Variants in SNX30 observed in about 807,000 individuals in gnomAD.
The protein encoded by SNX30 is sorting nexin-30.
Under a neutral mutation model 46.4 loss-of-function variants are expected in SNX30, and 24 were observed. The ratio of observed to expected loss-of-function variants is 0.52; its 90% confidence interval spans 0.37 to 0.73. The LOEUF (loss-of-function observed/expected upper bound fraction) is 0.73, where lower values mean the gene tolerates loss of function less well. Among genes scored for constraint, SNX30 ranks in the 30% least tolerant of loss-of-function variants. SNX30 has a pLI of 0.00. For missense variants in SNX30, 533 were observed against 555.7 expected (o/e 0.96, Z 0.41); for synonymous variants, 189 against 211.5 (o/e 0.89, Z 0.92).
At chr9:112,880,357 A>G (rs1314767738) in exon 5 of SNX30, 4 of 148,150 alleles carry the variant, frequency 2.7e-5, no homozygotes, top group African/African-American at 9.9e-5. Context: ...AGAATCTCTG[A>G]TACTGGACCT....
chr9:112,880,766 A>G (rs1456592009), intron 5 of SNX30, among the ~76,000 whole-genome samples: 4 of 152,176 alleles, frequency 2.6e-5, no homozygotes, highest in Admixed American at 6.5e-5. Context: ...CCATTAGGCC[A>G]TCTCTTTATC....
intron 2 of SNX30, among the ~76,000 whole-genome samples, chr9:112,817,401 C>CTTTTTTTTATTTTTTTTTTTT (rs1840414791): frequency 2.1e-5 from 1 of 46,832 alleles, no homozygotes; most frequent in Non-Finnish European, 3.4e-5. Flanking sequence ...AAAAAACTGG[C>CTTTTTTTTATTTTTTTTTTTT]TTTTTTTTTT....
intron 1 of SNX30, among the ~76,000 whole-genome samples, chr9:112,803,972 G>A (rs1840179371): frequency 7.5e-6 from 1 of 133,418 alleles, no homozygotes. Context: ...CCCAGGTGAG[G>A]CAATGCCTCG....
At chr9:112,757,366 A>G (rs1839367302) in intron 1 of SNX30, among the ~76,000 whole-genome samples, 1 of 152,200 alleles carries the variant, frequency 6.6e-6, no homozygotes, top group Non-Finnish European at 1.5e-5. Flanking sequence ...TTTTGTGTGT[A>G]CACACACAGT....
At position 112,768,935 on chromosome 9, in the gene SNX30, G is replaced by T. The variant is rs114552822; in HGVS notation, c.156+17778G>T. 8.6e-3 allele frequency among the ~76,000 whole-genome samples: 1,315 copies of T among 152,150 alleles called. 20 individuals are homozygous for T. The highest frequency in any genetic ancestry group is 0.028 in the African/African-American group (1,150 of 41,516). ...CTCCCAAAGTGCTGGGACTACAGGC[G>T]TGAGCCACCATGATAATTCTAACGG... On this transcript the variant is annotated intron_variant, in intron 1 of 8. Transcript: ENST00000374232.
chr9:112,868,690 G>T (rs1257498998), intron 8 of SNX30, 94 bp from the exon 9 acceptor site: 10 of 1,306,996 alleles, frequency 7.7e-6, no homozygotes, highest in South Asian at 2.4e-5. Flanking sequence ...AACCCAGCAG[G>T]ATCGACAACG....
chr9:112,813,847 A>G (rs1053563033), intron 2 of SNX30, among the ~76,000 whole-genome samples: 1 of 152,190 alleles, frequency 6.6e-6, no homozygotes, highest in Non-Finnish European at 1.5e-5. Flanking sequence ...AATATGCCAT[A>G]ATTTCATTAA....
chr9:112,797,034 T>A (rs1840118093), intron 1 of SNX30, among the ~76,000 whole-genome samples: 1 of 152,200 alleles, frequency 6.6e-6, no homozygotes, highest in African/African-American at 2.4e-5. Flanking sequence ...GTCATGTCAC[T>A]TTCTTGCCAT....
At chr9:112,776,051 C>T in intron 1 of SNX30, among the ~76,000 whole-genome samples, 1 of 151,988 alleles carries the variant, frequency 6.6e-6, no homozygotes, top group Non-Finnish European at 1.5e-5. Flanking sequence ...TTAGATTTTT[C>T]TTCTTCTGAA....
At chr9:112,875,236 AAACTTC>A (rs1455367824), downstream of SNX30, 1 of 152,216 alleles carries the variant, frequency 6.6e-6, no homozygotes, top group Non-Finnish European at 1.5e-5. Flanking sequence ...GGAGATGAAG[AAACTTC>A]CTAGTGTAGT....
In SNX30 at chr9:112,750,884, G is replaced by A. The variant is rs1271055288; in HGVS notation, c.-118G>A. 7.2e-6 allele frequency: 7 copies of A among 976,814 alleles called. No homozygotes were observed. The African/African-American group carries it at 8.7e-5, about 12-fold the overall frequency. The allele number at this position is 976,814 out of a possible 1,614,324, so 60.5% of individuals were successfully genotyped here. On this transcript the variant is annotated 5_prime_UTR_variant, in exon 1 of 9. Coordinates refer to ENST00000374232, the MANE Select transcript of SNX30 (RefSeq NM_001012994.2). ...GGTGGCGGCGGCCCCCAGCACGGCC[G>A]GTGCAAGGCCTCGGGTTAAGCGGCG...
chr9:112,768,097 T>C (rs1264384457), intron 1 of SNX30, among the ~76,000 whole-genome samples: 1 of 152,228 alleles, frequency 6.6e-6, no homozygotes, highest in Non-Finnish European at 1.5e-5. Flanking sequence ...GAGATCTGCA[T>C]TGACTCCCCA....
At chr9:112,885,351 CAT>C (rs1436361789), downstream of SNX30, 1 of 151,988 alleles carries the variant, frequency 6.6e-6, no homozygotes, top group East Asian at 1.9e-4. Context: ...GTAGAGTCCT[CAT>C]GTGCTACTAG....
chr9:112,875,517 A>T (rs56677235), downstream of SNX30, among the ~76,000 whole-genome samples: 22,932 of 152,268 alleles, frequency 0.15, 1,946 homozygotes, highest in Non-Finnish European at 0.19. Context: ...TCCACTTACT[A>T]GCTATGTGGC....
rs142151196 is a variant in SNX30 at position 112,850,311 on chromosome 9, T to G, written c.1015-548T>G. On this transcript the variant is annotated intron_variant, in intron 6 of 8. Coordinates refer to ENST00000374232, the MANE Select transcript of SNX30 (RefSeq NM_001012994.2). ...CTGAGCCTCTGTCACACTGAACCTC[T>G]CAGGTAGGGAGTGCATCTCTCTGCT... Among the ~76,000 whole-genome samples, 196 of 152,290 alleles carry G rather than the reference T, an allele frequency of 1.3e-3. 1 individual carries two copies. The highest frequency in any genetic ancestry group is 4.4e-3 in the African/African-American group (184 of 41,568).
At chr9:112,751,183 G>T (rs1334362264) in intron 1 of SNX30, 26 bp downstream of exon 1, 1 of 1,446,122 alleles carries the variant, frequency 6.9e-7, no homozygotes, top group South Asian at 1.4e-5. Context: ...CCGGGGAGTG[G>T]GAGGCTTATT....
chr9:112,851,066 A>C, intron 7 of SNX30, 121 bp downstream of exon 7: 2 of 605,444 alleles, frequency 3.3e-6, no homozygotes, highest in Non-Finnish European at 5.8e-6. Context: ...TACGTTGATG[A>C]TGTTGTCCTT....
At chr9:112,775,154 CTT>C (rs1167634002) in intron 1 of SNX30, among the ~76,000 whole-genome samples, 200 of 113,848 alleles carry the variant, frequency 1.8e-3, no homozygotes, top group African/African-American at 5.8e-3. Flanking sequence ...TTTTTTCTTT[CTT>C]TTTTTTTTTT....
chr9:112,838,893 A>G (rs1391439404), intron 6 of SNX30, among the ~76,000 whole-genome samples, 196 bp downstream of exon 6: 1 of 152,228 alleles, frequency 6.6e-6, no homozygotes, highest in Non-Finnish European at 1.5e-5. Context: ...AAACAAAAAA[A>G]AAAGTTTGGT....
Sources: allele counts gnomAD v4.1 joint callset (sites outside exome capture counted in the v4.1 genomes callset), GRCh38; gene constraint gnomAD v4.1.1; transcripts MANE v1.5; gene names NCBI Gene and HGNC (gene_info 2026-07-23, HGNC 2026-07-21).